The following SRP72 variants were observed in gnomAD, a reference collection of about 807,000 sequenced individuals.
The protein encoded by SRP72 is signal recognition particle 72.
Under a neutral mutation model 96.3 loss-of-function variants are expected in SRP72, and 49 were observed. That is an observed-to-expected ratio of 0.51 (90% confidence interval 0.40 to 0.65). The LOEUF is 0.65. SRP72 is among the 30% of genes least tolerant of loss of function. SRP72 has a pLI of 0.00. For missense variants in SRP72, 736 were observed against 793.3 expected, an observed-to-expected ratio of 0.93 and a Z score of 0.87; for synonymous variants, 267 against 275.2, an observed-to-expected ratio of 0.97 and a Z score of 0.30.
intron 15 of SRP72, 100 bp downstream of exon 15, chr4:56,490,745 A>G (rs1278868509): frequency 1.0e-6 from 1 of 996,898 alleles, no homozygotes; most frequent in Non-Finnish European, 1.5e-6. Context: ...GTAAACTGCA[A>G]CTAACAAATC....
chr4:56,479,275 G>A (rs986532705), intron 8 of SRP72, among the ~76,000 whole-genome samples: 9 of 152,088 alleles, frequency 5.9e-5, no homozygotes, highest in African/African-American at 9.6e-5. Context: ...CGCCTCCCGC[G>A]TTCACGCCAT....
chr4:56,501,836 A>G lies in SRP72; in HGVS notation c.1991A>G (p.Lys664Arg). 6.2e-7 allele frequency: 1 copy of G among 1,614,172 alleles called. No individual in the cohort carries two copies. The highest frequency in any genetic ancestry group is 8.5e-7 in the Non-Finnish European group (1 of 1,180,028). The change falls in exon 19 of 19, where the codon AAG becomes AGG. Residue 664 changes from lysine to arginine, a missense_variant. This residue lies in a region of SRP72 where 388 missense variants were observed against 431.8 expected (regional missense o/e 0.90). Transcript: ENST00000642900. ...AAAAAGAAACAGCAACAGAAAAAGAAGAAAGGTGGAAAAGGTGGCTGGTGA... is the reference window on the plus strand; with the variant it reads ...AAAAAGAAACAGCAACAGAAAAAGAGGAAAGGTGGAAAAGGTGGCTGGTGA... ...ATKKKQQQKK[K>R]KGGKGGW
At position 56,471,683 on chromosome 4, in the gene SRP72, G is replaced by C. The variant is rs1433147267; in HGVS notation, c.231-37G>C. 4 of 1,607,006 alleles carry C rather than the reference G, an allele frequency of 2.5e-6. No individual in the cohort carries two copies. In the South Asian group the frequency reaches 4.4e-5, roughly 18 times the overall value. ...ATATAATGGGTGCATTGCATTGTTAGATAATAATCAGATACTGTTTTTTTT... is the reference window on the plus strand; with the variant it reads ...ATATAATGGGTGCATTGCATTGTTACATAATAATCAGATACTGTTTTTTTT... On this transcript the variant is annotated intron_variant, in intron 2 of 18. Transcript: ENST00000642900.
intron 17 of SRP72, 75 bp downstream of exon 17, chr4:56,495,469 G>A: frequency 3.0e-6 from 3 of 996,038 alleles, no homozygotes; most frequent in South Asian, 1.7e-5. Flanking sequence ...AGAAATATTT[G>A]GACATAAATA....
rs570947172 is a variant in SRP72, at chr4:56,485,796, G to A, written c.1087-529G>A. 1.2e-4 allele frequency among the ~76,000 whole-genome samples: 18 copies of A among 151,826 alleles called. No homozygotes were observed. In the East Asian group the frequency reaches 1.4e-3, roughly 11 times the overall value. The stretch of plus-strand genomic sequence containing the variant: ...AGCCTGGGTGACAGAGCAAGACTCC[G>A]CCTCAGAAAAAAAAAGCACATTTTG... On this transcript the variant is annotated intron_variant, in intron 10 of 18. Coordinates refer to ENST00000642900, the MANE Select transcript of SRP72 (RefSeq NM_006947.4).
chr4:56,472,080 A>G (rs1370945801), intron 3 of SRP72, among the ~76,000 whole-genome samples: 1 of 152,190 alleles, frequency 6.6e-6, no homozygotes, highest in Non-Finnish European at 1.5e-5. Flanking sequence ...AAGAAAATGA[A>G]CTAATCTGTT....
intron 15 of SRP72, among the ~76,000 whole-genome samples, chr4:56,491,048 G>A (rs1720888511): frequency 6.6e-6 from 1 of 152,186 alleles, no homozygotes. Flanking sequence ...TATTGAGCTT[G>A]GATCATATGT....
intron 17 of SRP72, among the ~76,000 whole-genome samples, chr4:56,498,044 T>C (rs12505939): frequency 0.2 from 30,024 of 152,150 alleles, 3,343 homozygotes; most frequent in Admixed American, 0.35. Context: ...AAGGATTTTT[T>C]TCCACTCCTC....
chr4:56,489,272 A>G (rs545819283), intron 12 of SRP72, 116 bp from the exon 13 acceptor site: 1 of 466,054 alleles, frequency 2.1e-6, no homozygotes, highest in South Asian at 5.8e-5. Context: ...CTTTTATGAT[A>G]AATCAGGTAT....
chr4:56,480,335 C>T (rs142937703), intron 8 of SRP72, among the ~76,000 whole-genome samples: 4,778 of 152,292 alleles, frequency 0.031, 88 homozygotes, highest in Admixed American at 0.049. Flanking sequence ...TCTCGGCTTA[C>T]TGCAGCCTCC....
chr4:56,482,997 T>G (rs1328378192), intron 8 of SRP72, 142 bp from the exon 9 acceptor site: 14 of 641,070 alleles, frequency 2.2e-5, no homozygotes, highest in Non-Finnish European at 3.4e-5. Context: ...CAGGATAAAT[T>G]TATATGCATC....
intron 9 of SRP72, among the ~76,000 whole-genome samples, chr4:56,484,051 T>TTTTTTTTTTTTTTTTTTTTTTTTTTTTC (rs1560682047): frequency 7.0e-6 from 1 of 142,716 alleles, no homozygotes; most frequent in African/African-American, 2.6e-5. Flanking sequence ...TTTTTTTTTT[T>TTTTTTTTTTTTTTTTTTTTTTTTTTTTC]GAGATGGAGT....
intron 16 of SRP72, among the ~76,000 whole-genome samples, chr4:56,494,461 G>A (rs1026552654): frequency 6.1e-5 from 9 of 148,434 alleles, no homozygotes; most frequent in African/African-American, 2.3e-4. Flanking sequence ...CTGGAGTGCA[G>A]TGGCGCAATC....
chr4:56,484,974 T>G, intron 10 of SRP72, 110 bp downstream of exon 10: 1 of 1,295,818 alleles, frequency 7.7e-7, no homozygotes, highest in Non-Finnish European at 1.0e-6. Flanking sequence ...TAATCAGAAA[T>G]GTACCACTAC....
chr4:56,482,180 G>A (rs980998657), intron 8 of SRP72, among the ~76,000 whole-genome samples: 2 of 150,710 alleles, frequency 1.3e-5, no homozygotes, highest in South Asian at 2.1e-4. Context: ...AGTGGCTCAC[G>A]CCTGTAATCC....
At position 56,502,105 on chromosome 4, in the gene SRP72, G is replaced by A; in HGVS notation, c.*244G>A. 1.3e-5 allele frequency: 6 copies of A among 459,520 alleles called. No individual in the cohort carries two copies. The highest frequency in any genetic ancestry group is 2.4e-5 in the Non-Finnish European group (6 of 247,724). The allele number at this position is 459,520 out of a possible 1,614,324, so 28.5% of individuals were successfully genotyped here. ...AAATAATTGGGCATTTACCCATCTT[G>A]GTATCTGTTGTATCCTTTATCTGTG... is the stretch of plus-strand genomic sequence containing the variant. On this transcript the variant is annotated 3_prime_UTR_variant, in exon 19 of 19. Coordinates refer to ENST00000642900, the MANE Select transcript of SRP72 (RefSeq NM_006947.4).
chr4:56,469,962 G>C (rs2110110580), intron 2 of SRP72, among the ~76,000 whole-genome samples, 189 bp downstream of exon 2: 1 of 139,768 alleles, frequency 7.2e-6, no homozygotes, highest in East Asian at 2.1e-4. Flanking sequence ...GTTTTTTTCA[G>C]CCTTAGAGAG....
Position 56,471,797 on chromosome 4 carries a change from G to A in SRP72, c.308G>A (p.Ser103Asn), listed in dbSNP as rs777414798. ...RIENALKTIE[S>N]ANQQTDKLKE... is the part of the protein sequence containing the mutation. ...GAGAATGCCTTGAAGACAATAGAAA[G>A]TGCCAACCAGCAGACAGACAAACTG... The change falls in exon 3 of 19, where the codon AGT (serine) becomes AAT (asparagine). Residue 103 changes from serine to asparagine, a missense_variant. Physicochemically the swap from Ser to Asn is conservative, Grantham distance 46. Coordinates refer to ENST00000642900, the MANE Select transcript of SRP72 (RefSeq NM_006947.4). 5 of 1,614,046 alleles carry A rather than the reference G, an allele frequency of 3.1e-6. No homozygotes were observed. In the South Asian group the frequency reaches 5.5e-5, roughly 18 times the overall value.
chr4:56,478,716 T>C, intron 8 of SRP72, 67 bp downstream of exon 8: 1 of 1,508,480 alleles, frequency 6.6e-7, no homozygotes, highest in South Asian at 1.2e-5. Context: ...AGTTTTAGTT[T>C]TGTTCTAGGA....
Sources: gnomAD v4.1 joint callset for allele counts (sites outside exome capture counted in the v4.1 genomes callset) on GRCh38, gnomAD v4.1.1 for gene constraint, gnomAD v4.1.1 regional missense constraint, MANE v1.5 for transcripts, NCBI Gene and HGNC (gene_info 2026-07-23, HGNC 2026-07-21) for gene names.